The following PTPRO variants were observed in gnomAD, a reference collection of about 807,000 sequenced individuals.
PTPRO encodes protein tyrosine phosphatase receptor type O.
In PTPRO, 62 loss-of-function variants were observed where a neutral mutation model predicts 145.2. The ratio of observed to expected loss-of-function variants is 0.43; its 90% CI spans 0.35 to 0.53. PTPRO has a LOEUF of 0.53. PTPRO is among the 20% of genes least tolerant of loss of function. The probability of loss-of-function intolerance (pLI) is 0.01; values close to 1 mark genes in which losing one functional copy is unlikely to be tolerated. For missense variants in PTPRO, 1,345 were observed against 1,482.7 expected (o/e 0.91, Z 1.53); for synonymous variants, 565 against 514.7 (o/e 1.10, Z -1.32).
intron 23 of PTPRO, among the ~76,000 whole-genome samples, chr12:15,583,479 C>CCACA (rs199602074): frequency 0.19 from 28,641 of 150,522 alleles, 2,925 homozygotes; most frequent in Middle Eastern, 0.26. Flanking sequence ...GACTCTATCT[C>CCACA]CACACACACA....
chr12:15,553,342 G>A (rs1023338931), intron 15 of PTPRO, among the ~76,000 whole-genome samples: 1 of 152,224 alleles, frequency 6.6e-6, no homozygotes, highest in Non-Finnish European at 1.5e-5. Flanking sequence ...AGGTAAGGGA[G>A]ATAAGCAGTA....
Position 15,461,428 on chromosome 12 carries a change from C to T in PTPRO, c.76-22546C>T, listed in dbSNP as rs114258842. Among the ~76,000 whole-genome samples, 608 of 152,216 alleles carry T rather than the reference C, an allele frequency of 4.0e-3. 4 individuals carry two copies. The highest frequency in any genetic ancestry group is 0.014 in the African/African-American group (575 of 41,514). On this transcript the variant is annotated intron_variant, in intron 1 of 26. Transcript: ENST00000281171. ...TGTGCTCAGTGTCTGCCAAGGGCTG[C>T]GTCACAGGCCATGGTCACTCATTTG...
intron 1 of PTPRO, among the ~76,000 whole-genome samples, chr12:15,466,644 T>C (rs1221766766): frequency 2.0e-5 from 3 of 152,198 alleles, no homozygotes; most frequent in East Asian, 1.9e-4. Flanking sequence ...ACATTTTTCC[T>C]CTTAATCTCA....
intron 12 of PTPRO, among the ~76,000 whole-genome samples, chr12:15,531,410 T>C (rs1245332323): frequency 6.6e-6 from 1 of 152,168 alleles, no homozygotes; most frequent in African/African-American, 2.4e-5. Context: ...AAACAGATAC[T>C]TTAACATTCT....
At chr12:15,400,458 A>G (rs1939461033) in intron 1 of PTPRO, among the ~76,000 whole-genome samples, 3 of 152,044 alleles carry the variant, frequency 2.0e-5, no homozygotes, top group Admixed American at 2.0e-4. Context: ...TGTCATTCCC[A>G]TGTCAGTGGC....
At chr12:15,570,315 T>C (rs1205026095) in intron 19 of PTPRO, among the ~76,000 whole-genome samples, 1 of 151,312 alleles carries the variant, frequency 6.6e-6, no homozygotes, top group Non-Finnish European at 1.5e-5. Flanking sequence ...TTTTTCTAAA[T>C]TCTGTAGTTT....
intron 1 of PTPRO, among the ~76,000 whole-genome samples, chr12:15,402,185 C>G (rs779384044): frequency 2.6e-5 from 4 of 151,972 alleles, no homozygotes; most frequent in Non-Finnish European, 5.9e-5. Context: ...GCCAGGAGAT[C>G]GAGACCATCT....
intron 1 of PTPRO, among the ~76,000 whole-genome samples, chr12:15,473,162 C>T (rs1941579203): frequency 6.6e-6 from 1 of 152,158 alleles, no homozygotes; most frequent in Non-Finnish European, 1.5e-5. Context: ...TTCAGACAGG[C>T]AGAAGAGTAG....
chr12:15,404,802 A>C (rs1939602137), intron 1 of PTPRO, among the ~76,000 whole-genome samples: 6 of 152,226 alleles, frequency 3.9e-5, no homozygotes, highest in Admixed American at 3.3e-4. Context: ...AACATTTGGC[A>C]ACAGATAGTT....
chr12:15,448,787 T>C (rs963112631), intron 1 of PTPRO, among the ~76,000 whole-genome samples: 2 of 152,082 alleles, frequency 1.3e-5, no homozygotes, highest in East Asian at 3.9e-4. Flanking sequence ...TTTCTGTTGA[T>C]TGAAAAATTG....
chr12:15,422,328 TTACACATGGTAACCAC>T (rs1940169267), intron 1 of PTPRO, among the ~76,000 whole-genome samples: 2 of 152,162 alleles, frequency 1.3e-5, no homozygotes, highest in South Asian at 4.1e-4. Context: ...TTGTAAGAGC[TTACACATGGTAACCAC>T]TACATAAATA....
chr12:15,343,944 A>G (rs1282866040), intron 1 of PTPRO, among the ~76,000 whole-genome samples: 8 of 152,180 alleles, frequency 5.3e-5, no homozygotes, highest in African/African-American at 1.9e-4. Context: ...TCGGCCTCCC[A>G]AAGTGCTGGG....
chr12:15,388,950 T>G (rs1939108894), intron 1 of PTPRO, among the ~76,000 whole-genome samples: 1 of 152,270 alleles, frequency 6.6e-6, no homozygotes, highest in African/African-American at 2.4e-5. Context: ...CTTATTGACC[T>G]CTTTCCTTAC....
At chr12:15,527,875 A>ACCCGCCCACCACCTC (rs76890178) in intron 12 of PTPRO, among the ~76,000 whole-genome samples, 1 of 137,648 alleles carries the variant, frequency 7.3e-6, no homozygotes, top group African/African-American at 2.8e-5. Context: ...GGGAACTGTG[A>ACCCGCCCACCACCTC]CCCGCCCACG....
At chr12:15,424,137 G>A (rs1226077910) in intron 1 of PTPRO, among the ~76,000 whole-genome samples, 1 of 152,190 alleles carries the variant, frequency 6.6e-6, no homozygotes, top group Non-Finnish European at 1.5e-5. Context: ...GCAAGAATAT[G>A]AAGTGTAGCA....
chr12:15,485,578 CG>C (rs1235175605), intron 2 of PTPRO, among the ~76,000 whole-genome samples: 1 of 151,902 alleles, frequency 6.6e-6, no homozygotes, highest in Non-Finnish European at 1.5e-5. Flanking sequence ...AGGAGAGACC[CG>C]GGGGGAAAAA....
intron 14 of PTPRO, among the ~76,000 whole-genome samples, chr12:15,550,461 G>T (rs1183011065): frequency 6.6e-6 from 1 of 152,122 alleles, no homozygotes; most frequent in Non-Finnish European, 1.5e-5. Flanking sequence ...AACTCATTTT[G>T]TTCAAGGGTC....
At position 15,468,522 on chromosome 12, in the gene PTPRO, G is replaced by T. The variant is rs118166949; in HGVS notation, c.76-15452G>T. Among the ~76,000 whole-genome samples the T allele has an allele frequency of 2.9e-3, 437 of 152,162 alleles. 3 individuals are homozygous for T. The highest frequency in any genetic ancestry group is 5.0e-3 in the Non-Finnish European group (339 of 68,014). On this transcript the variant is annotated intron_variant, in intron 1 of 26. Coordinates refer to ENST00000281171, the MANE Select transcript of PTPRO (RefSeq NM_030667.3). The stretch of plus-strand genomic sequence containing the variant: ...TTCTTTCTCTCCAACTAATCATCAG[G>T]TCAACTCTTACCAGCCCATAGGTCT...
At chr12:15,333,468 G>T (rs1366473686) in intron 1 of PTPRO, among the ~76,000 whole-genome samples, 2 of 152,214 alleles carry the variant, frequency 1.3e-5, no homozygotes, top group Admixed American at 6.5e-5. Context: ...CTATGGTAAT[G>T]TCCAGTGAAC....
Sources: allele counts gnomAD v4.1 joint callset (sites outside exome capture counted in the v4.1 genomes callset), GRCh38; gene constraint gnomAD v4.1.1; transcripts MANE v1.5; gene names NCBI Gene and HGNC (gene_info 2026-07-23, HGNC 2026-07-21).